Variants in PDE11A observed in about 807,000 individuals in gnomAD.
PDE11A encodes the protein phosphodiesterase 11A, also known as dual 3',5'-cyclic-AMP and -GMP phosphodiesterase 11A.
Under a neutral mutation model 100.5 loss-of-function variants are expected in PDE11A, and 100 were observed. That is an observed-to-expected ratio of 1.00 (90% CI 0.85 to 1.18). The LOEUF (loss-of-function observed/expected upper bound fraction) is 1.18. Among genes scored for constraint, PDE11A ranks in the 50% most tolerant of loss-of-function variants. The pLI, the probability that PDE11A is intolerant of heterozygous loss-of-function variation, is 0.00. For synonymous variants in PDE11A, 381 were observed against 420.8 expected, an observed-to-expected ratio of 0.91 and a Z score of 1.16; for missense variants, 1,141 against 1,152.6, an observed-to-expected ratio of 0.99 and a Z score of 0.15.
At chr2:177,802,914 T>C (rs1253536751) in intron 9 of PDE11A, among the ~76,000 whole-genome samples, 1 of 151,852 alleles carries the variant, frequency 6.6e-6, no homozygotes, top group East Asian at 1.9e-4. Context: ...AATTTAAAAA[T>C]TTGCTAATGA....
chr2:177,652,034 T>C (rs939544220), intron 19 of PDE11A, among the ~76,000 whole-genome samples: 4 of 152,176 alleles, frequency 2.6e-5, no homozygotes, highest in Non-Finnish European at 5.9e-5. Flanking sequence ...AGTAACAATG[T>C]GATAACCCGA....
At chr2:177,637,995 ATATTT>A (rs1371726750) in intron 19 of PDE11A, among the ~76,000 whole-genome samples, 26 of 54,126 alleles carry the variant, frequency 4.8e-4, no homozygotes, top group African/African-American at 1.5e-3. Flanking sequence ...ATATATATAT[ATATTT>A]TTTTTTTTTT....
intron 3 of PDE11A, among the ~76,000 whole-genome samples, chr2:177,903,796 G>A (rs2084735155): frequency 6.6e-6 from 1 of 152,224 alleles, no homozygotes; most frequent in Admixed American, 6.5e-5. Flanking sequence ...AGGCATTGAA[G>A]GCCGAGGGAG....
intron 1 of PDE11A, among the ~76,000 whole-genome samples, chr2:178,024,255 T>C (rs2105835790): frequency 6.6e-6 from 1 of 152,010 alleles, no homozygotes; most frequent in Admixed American, 6.5e-5. Flanking sequence ...CTACTAAAAA[T>C]ACAAAAATTA....
chr2:177,806,631 T>A (rs375801679), intron 9 of PDE11A, among the ~76,000 whole-genome samples: 21 of 152,238 alleles, frequency 1.4e-4, no homozygotes, highest in African/African-American at 5.1e-4. Flanking sequence ...TATGAATACA[T>A]GCAAAGAAGC....
At position 178,071,844 on chromosome 2, in the gene PDE11A, C is replaced by G; in HGVS notation, c.594G>C (p.Lys198Asn). The G allele has an allele frequency of 1.2e-6, 2 of 1,614,106 alleles. No homozygotes were observed. The highest frequency in any genetic ancestry group is 1.7e-6 in the Non-Finnish European group (2 of 1,179,976). ...TAIDYKCHLK[K>N]HNERQFFLEL... ...CCAGAAAGAACTGACGCTCATTATGCTTTTTCAGATGGCACTTGTAGTCGA... is the reference window on the plus strand; with the variant it reads ...CCAGAAAGAACTGACGCTCATTATGGTTTTTCAGATGGCACTTGTAGTCGA... The change falls in exon 1 of 20, where the codon AAG becomes AAC. Residue 198 changes from lysine (K) to asparagine (N), a missense_variant. Physicochemically the swap from Lys to Asn is moderately conservative, Grantham distance 94. Coordinates refer to ENST00000286063, the MANE Select transcript of PDE11A (RefSeq NM_016953.4).
chr2:178,001,048 T>C (rs545591658), intron 2 of PDE11A, among the ~76,000 whole-genome samples: 2 of 152,246 alleles, frequency 1.3e-5, no homozygotes, highest in Non-Finnish European at 2.9e-5. Flanking sequence ...ATTTTTAAAA[T>C]TGCTCACATT....
At chr2:177,981,500 C>T (rs2085881474) in intron 2 of PDE11A, among the ~76,000 whole-genome samples, 1 of 150,560 alleles carries the variant, frequency 6.6e-6, no homozygotes, top group South Asian at 2.2e-4. Flanking sequence ...TATCTCTTCA[C>T]AGAGTCTTCC....
chr2:177,779,865 C>G (rs1471717056), intron 9 of PDE11A, among the ~76,000 whole-genome samples: 1 of 152,154 alleles, frequency 6.6e-6, no homozygotes, highest in East Asian at 1.9e-4. Flanking sequence ...AATGGTGAAT[C>G]CTTTCTAGAA....
chr2:177,654,611 C>T (rs562584852), intron 19 of PDE11A, among the ~76,000 whole-genome samples: 1 of 152,230 alleles, frequency 6.6e-6, no homozygotes, highest in African/African-American at 2.4e-5. Flanking sequence ...GCAGAATACA[C>T]TCATGTACCC....
chr2:177,826,001 C>T (rs138009790), intron 6 of PDE11A, among the ~76,000 whole-genome samples: 50 of 152,210 alleles, frequency 3.3e-4, no homozygotes, highest in African/African-American at 1.2e-3. Flanking sequence ...GGAACAACTG[C>T]CAAAAAAATC....
At chr2:177,652,489 T>G (rs1395501488) in intron 19 of PDE11A, among the ~76,000 whole-genome samples, 1 of 152,138 alleles carries the variant, frequency 6.6e-6, no homozygotes, top group Non-Finnish European at 1.5e-5. Flanking sequence ...AGGTCAATTG[T>G]GCCAACTAAG....
Position 177,786,399 on chromosome 2 carries a change from A to G in PDE11A, c.1738-17026T>C, listed in dbSNP as rs975974158. Among the ~76,000 whole-genome samples the G allele has an allele frequency of 2.1e-3, 314 of 152,130 alleles. 1 individual carries two copies. The highest frequency in any genetic ancestry group is 0.01 in the Middle Eastern group (3 of 294). On this transcript the variant is annotated intron_variant, in intron 9 of 19. Transcript: ENST00000286063. ...AAAAACCCATCTGTACATCACCATCATCAAAGACCAAAAGTAGATAAAACC... is the reference window on the plus strand; with the variant it reads ...AAAAACCCATCTGTACATCACCATCGTCAAAGACCAAAAGTAGATAAAACC...
At chr2:178,004,908 AT>A (rs1356323884) in intron 2 of PDE11A, among the ~76,000 whole-genome samples, 3 of 152,132 alleles carry the variant, frequency 2.0e-5, no homozygotes, top group Non-Finnish European at 4.4e-5. Flanking sequence ...TGAAATTGTG[AT>A]TACAACTTAA....
intron 2 of PDE11A, among the ~76,000 whole-genome samples, chr2:177,982,648 A>C (rs959792): frequency 6.7e-6 from 1 of 149,966 alleles, no homozygotes; most frequent in African/African-American, 2.4e-5. Flanking sequence ...GAGGAGGAAC[A>C]GATTAAATAT....
chr2:177,905,069 G>A, intron 3 of PDE11A, 29 bp downstream of exon 3: 1 of 1,133,040 alleles, frequency 8.8e-7, no homozygotes, highest in Non-Finnish European at 1.4e-6. Context: ...GAGTTTTGAG[G>A]AGTGTCAACA....
intron 9 of PDE11A, among the ~76,000 whole-genome samples, chr2:177,804,901 G>A (rs1311918847): frequency 1.3e-5 from 2 of 151,766 alleles, no homozygotes; most frequent in Admixed American, 6.6e-5. Context: ...GACATACAGA[G>A]TAGATTAATA....
intron 9 of PDE11A, 53 bp from the exon 10 acceptor site, chr2:177,769,426 C>T (rs896772655): frequency 1.9e-6 from 2 of 1,048,302 alleles, no homozygotes; most frequent in Middle Eastern, 2.2e-4. Context: ...ACTGTATTTT[C>T]TGAAATTCTC....
chr2:177,811,539 C>A (rs1025415665), intron 9 of PDE11A, among the ~76,000 whole-genome samples: 2 of 149,012 alleles, frequency 1.3e-5, no homozygotes, highest in Non-Finnish European at 3.0e-5. Context: ...TTTTTAAAGG[C>A]TAGAACAGTA....
Sources: allele counts gnomAD v4.1 joint callset (sites outside exome capture counted in the v4.1 genomes callset), GRCh38; gene constraint gnomAD v4.1.1; transcripts MANE v1.5; gene names NCBI Gene and HGNC (gene_info 2026-07-23, HGNC 2026-07-21).